CNBD1: variants seen among roughly 807,000 people sequenced by gnomAD.
The protein encoded by CNBD1 is cyclic nucleotide binding domain containing 1.
In CNBD1, 71 loss-of-function variants were observed where a neutral mutation model predicts 54.4. That is an observed-to-expected ratio of 1.30 (90% CI 1.08 to 1.59). CNBD1 has a LOEUF of 1.59. Among genes scored for constraint, CNBD1 ranks in the 40% most tolerant of loss-of-function variants. CNBD1 has a pLI of 0.00. For missense variants in CNBD1, 659 were observed against 518.0 expected, an observed-to-expected ratio of 1.27 and a Z score of -2.64; for synonymous variants, 182 against 170.7, an observed-to-expected ratio of 1.07 and a Z score of -0.51.
chr8:87,136,081 T>A (rs1406234643), intron 4 of CNBD1, among the ~76,000 whole-genome samples: 2 of 152,044 alleles, frequency 1.3e-5, no homozygotes, highest in Non-Finnish European at 2.9e-5. Flanking sequence ...AATCCAACTT[T>A]TTTTGCTTGG....
downstream of CNBD1, among the ~76,000 whole-genome samples, chr8:87,385,247 C>G (rs1393281238): frequency 6.6e-6 from 1 of 152,126 alleles, no homozygotes; most frequent in Non-Finnish European, 1.5e-5. Context: ...GGGTTCATCT[C>G]ACTGGGGAGT....
At chr8:87,204,375 GA>G (rs1489021429) in intron 4 of CNBD1, among the ~76,000 whole-genome samples, 1 of 152,100 alleles carries the variant, frequency 6.6e-6, no homozygotes, top group African/African-American at 2.4e-5. Context: ...GCTTGGATGG[GA>G]AGGCCAAACT....
chr8:87,314,400 T>G (rs1809337747), intron 8 of CNBD1, among the ~76,000 whole-genome samples: 1 of 151,810 alleles, frequency 6.6e-6, no homozygotes, highest in Non-Finnish European at 1.5e-5. Context: ...TAAAAAGGAT[T>G]TGAGGACAGT....
intron 6 of CNBD1, among the ~76,000 whole-genome samples, chr8:87,248,441 C>T (rs1807849553): frequency 6.6e-6 from 1 of 152,134 alleles, no homozygotes; most frequent in South Asian, 2.1e-4. Context: ...GCTGTCAGTG[C>T]AGACACATTT....
chr8:87,071,107 G>A (rs1810751591), intron 4 of CNBD1, among the ~76,000 whole-genome samples: 1 of 151,962 alleles, frequency 6.6e-6, no homozygotes, highest in Non-Finnish European at 1.5e-5. Context: ...TCTTTTCTGT[G>A]GTGGTTTTTG....
chr8:86,942,009 T>C (rs1694856182), intron 4 of CNBD1, among the ~76,000 whole-genome samples: 1 of 152,222 alleles, frequency 6.6e-6, no homozygotes, highest in African/African-American at 2.4e-5. Flanking sequence ...AACTCACTGC[T>C]GTCAATGGGT....
intron 4 of CNBD1, among the ~76,000 whole-genome samples, chr8:87,107,723 T>G (rs1250713974): frequency 1.4e-5 from 2 of 140,220 alleles, no homozygotes; most frequent in East Asian, 4.0e-4. Context: ...AATCACTCCC[T>G]TTTAGTTGTC....
chr8:87,029,522 C>A (rs145210606), intron 4 of CNBD1, among the ~76,000 whole-genome samples: 242 of 152,090 alleles, frequency 1.6e-3, no homozygotes, highest in Admixed American at 2.9e-3. Flanking sequence ...CCCTCATGTG[C>A]TCTCATAGAA....
At chr8:87,300,950 G>A (rs574812815) in intron 8 of CNBD1, among the ~76,000 whole-genome samples, 14 of 151,944 alleles carry the variant, frequency 9.2e-5, no homozygotes, top group African/African-American at 2.9e-4. Flanking sequence ...ATAGACCATT[G>A]GCATGATTAA....
At chr8:87,095,982 G>A (rs1046090080) in intron 4 of CNBD1, among the ~76,000 whole-genome samples, 1 of 152,102 alleles carries the variant, frequency 6.6e-6, no homozygotes. Flanking sequence ...AAAATACCCT[G>A]TGCTTCCTTT....
intron 4 of CNBD1, among the ~76,000 whole-genome samples, chr8:86,981,728 T>A (rs1018567116): frequency 2.0e-5 from 3 of 152,212 alleles, no homozygotes; most frequent in Non-Finnish European, 4.4e-5. Flanking sequence ...GTTGCATGCC[T>A]CAATATTTCA....
At chr8:86,917,883 G>A (rs985818750) in intron 3 of CNBD1, among the ~76,000 whole-genome samples, 4 of 152,130 alleles carry the variant, frequency 2.6e-5, no homozygotes, top group Non-Finnish European at 4.4e-5. Flanking sequence ...CAGAAACAAA[G>A]TTATTCTAAA....
At chr8:87,099,630 A>G (rs1811389798) in intron 4 of CNBD1, among the ~76,000 whole-genome samples, 1 of 152,200 alleles carries the variant, frequency 6.6e-6, no homozygotes. Flanking sequence ...ACAAAATAGA[A>G]CATTCAAGGA....
In CNBD1 at chr8:87,377,658, G is replaced by T. The variant is rs1049099027; in HGVS notation, c.1304-4962G>T. ...AGCAGCATGATTTATAGTCCTTTGG[G>T]TATATACCCAGTAATGGGATGGCTG... On this transcript the variant is annotated intron_variant, in intron 10 of 10. Transcript: ENST00000518476. 1.3e-4 allele frequency among the ~76,000 whole-genome samples: 20 copies of T among 148,682 alleles called. No individual in the cohort carries two copies. The East Asian group carries it at 3.8e-3, about 28-fold the overall frequency.
chr8:86,892,497 G>T (rs1436837965), intron 2 of CNBD1, among the ~76,000 whole-genome samples: 1 of 151,804 alleles, frequency 6.6e-6, no homozygotes, highest in African/African-American at 2.4e-5. Context: ...TAAAACAAAA[G>T]AACTAACTGA....
At chr8:86,974,662 A>T (rs964871269) in intron 4 of CNBD1, among the ~76,000 whole-genome samples, 1 of 152,044 alleles carries the variant, frequency 6.6e-6, no homozygotes, top group African/African-American at 2.4e-5. Flanking sequence ...ATTATGGTTA[A>T]TAATGTGCAA....
intron 4 of CNBD1, among the ~76,000 whole-genome samples, chr8:87,129,069 CA>C (rs570657716): frequency 0.17 from 4,431 of 26,028 alleles, 276 homozygotes; most frequent in East Asian, 0.49. Flanking sequence ...GACTCTGCCT[CA>C]AAAAAAAAAA....
At chr8:87,341,901 A>T (rs1339958042) in intron 8 of CNBD1, among the ~76,000 whole-genome samples, 3 of 151,346 alleles carry the variant, frequency 2.0e-5, no homozygotes, top group Non-Finnish European at 4.4e-5. Context: ...AGTACGAAAC[A>T]GACTAAGAAT....
intron 4 of CNBD1, among the ~76,000 whole-genome samples, chr8:87,146,977 T>G (rs553173550): frequency 6.6e-6 from 1 of 152,146 alleles, no homozygotes; most frequent in Admixed American, 6.6e-5. Context: ...TCTATGATAC[T>G]TAAAATAAAA....
Sources: allele counts gnomAD v4.1 joint callset (sites outside exome capture counted in the v4.1 genomes callset), GRCh38; gene constraint gnomAD v4.1.1; transcripts MANE v1.5; gene names NCBI Gene and HGNC (gene_info 2026-07-23, HGNC 2026-07-21).